Variants in PTPRN2 observed in about 807,000 individuals in gnomAD.
The protein encoded by PTPRN2 is protein tyrosine phosphatase receptor type N2, also known as receptor-type tyrosine-protein phosphatase N2.
A neutral mutation model predicts 118.8 loss-of-function variants in PTPRN2; 74 were observed. That is an observed-to-expected ratio of 0.62 (90% CI 0.52 to 0.76). The LOEUF (loss-of-function observed/expected upper bound fraction) is 0.76, where lower values mean the gene tolerates loss of function less well. Among genes scored for constraint, PTPRN2 ranks in the 30% least tolerant of loss-of-function variants. The pLI, the probability that PTPRN2 is intolerant of heterozygous loss-of-function variation, is 0.00. For missense variants in PTPRN2, 1,481 were observed against 1,394.4 expected (o/e 1.06, Z -0.99); for synonymous variants, 641 against 608.0 (o/e 1.05, Z -0.80).
chr7:158,264,284 G>C (rs1797732936), intron 3 of PTPRN2, among the ~76,000 whole-genome samples: 1 of 152,162 alleles, frequency 6.6e-6, no homozygotes, highest in African/African-American at 2.4e-5. Context: ...TATCCAGATG[G>C]AACTGCACTG....
chr7:157,815,223 G>A (rs1806320136), intron 12 of PTPRN2, among the ~76,000 whole-genome samples: 1 of 152,250 alleles, frequency 6.6e-6, no homozygotes. Context: ...ACGCTGGGAA[G>A]AGCAGGGCCA....
intron 2 of PTPRN2, among the ~76,000 whole-genome samples, chr7:158,387,544 G>A (rs1811543301): frequency 6.6e-6 from 1 of 152,304 alleles, no homozygotes; most frequent in Non-Finnish European, 1.5e-5. Flanking sequence ...GGGGGGACTG[G>A]ACTCCAGGGG....
At chr7:157,678,014 C>T (rs1467961950) in intron 13 of PTPRN2, among the ~76,000 whole-genome samples, 1 of 152,184 alleles carries the variant, frequency 6.6e-6, no homozygotes, top group African/African-American at 2.4e-5. Context: ...CTATCAGCTA[C>T]ATTTGGAAAG....
chr7:158,155,700 TCA>T (rs1821732796), intron 6 of PTPRN2, among the ~76,000 whole-genome samples: 2 of 148,754 alleles, frequency 1.3e-5, no homozygotes, highest in South Asian at 2.2e-4. Flanking sequence ...ATCAGCACTA[TCA>T]TCACCGTCAA....
intron 2 of PTPRN2, among the ~76,000 whole-genome samples, chr7:158,336,631 G>A (rs1805597518): frequency 7.2e-6 from 1 of 138,994 alleles, no homozygotes; most frequent in Admixed American, 7.3e-5. Context: ...GACACATGCA[G>A]ACGTCACTCA....
chr7:158,469,907 C>T (rs568722780), intron 2 of PTPRN2, among the ~76,000 whole-genome samples: 1 of 152,058 alleles, frequency 6.6e-6, no homozygotes, highest in Non-Finnish European at 1.5e-5. Flanking sequence ...TGGGATTTGT[C>T]CTATTGCATC....
intron 11 of PTPRN2, among the ~76,000 whole-genome samples, chr7:157,996,908 C>T (rs1228951063): frequency 6.6e-6 from 1 of 152,212 alleles, no homozygotes; most frequent in Non-Finnish European, 1.5e-5. Flanking sequence ...CCTGACACAT[C>T]CTAGGCCCGG....
rs376435843 is a variant in PTPRN2 at position 157,643,808 on chromosome 7, C to T, written c.2196+12549G>A. ...GGTGGTGTCTAAAGTGGCTCACCAG[C>T]CTCTCCGTCAGGCCTCGAAGGTTCG... On this transcript the variant is annotated intron_variant, in intron 14 of 22. Coordinates refer to ENST00000389418, the MANE Select transcript of PTPRN2 (RefSeq NM_002847.5). 5.3e-5 allele frequency among the ~76,000 whole-genome samples: 8 copies of T among 152,356 alleles called. No individual in the cohort carries two copies. The East Asian group carries it at 1.5e-3, about 29-fold the overall frequency.
At chr7:158,239,124 C>T (rs1028408162) in intron 3 of PTPRN2, among the ~76,000 whole-genome samples, 6 of 152,178 alleles carry the variant, frequency 3.9e-5, no homozygotes, top group African/African-American at 1.4e-4. Flanking sequence ...CACCACCATG[C>T]CCTGAGGACC....
chr7:158,443,191 G>C (rs1053443713), intron 2 of PTPRN2, among the ~76,000 whole-genome samples: 1 of 152,198 alleles, frequency 6.6e-6, no homozygotes, highest in African/African-American at 2.4e-5. Context: ...TGTGGGCAGA[G>C]GCAGGAGCGG....
At chr7:158,250,173 A>T (rs1408373774) in intron 3 of PTPRN2, among the ~76,000 whole-genome samples, 1 of 152,192 alleles carries the variant, frequency 6.6e-6, no homozygotes, top group Non-Finnish European at 1.5e-5. Context: ...TTATACTATC[A>T]AGGAAAGCCG....
intron 2 of PTPRN2, among the ~76,000 whole-genome samples, chr7:158,412,843 G>A (rs1352099078): frequency 7.6e-6 from 1 of 131,714 alleles, no homozygotes; most frequent in East Asian, 2.3e-4. Context: ...GGCCCATCCA[G>A]TGCCCTCCTC....
intron 2 of PTPRN2, among the ~76,000 whole-genome samples, chr7:158,333,333 C>A (rs1257003760): frequency 7.0e-6 from 1 of 143,042 alleles, no homozygotes; most frequent in Admixed American, 6.8e-5. Context: ...CACACTGTCA[C>A]CATAAGAGGT....
intron 10 of PTPRN2, among the ~76,000 whole-genome samples, chr7:158,099,891 C>T (rs1364603387): frequency 4.4e-5 from 6 of 137,194 alleles, no homozygotes; most frequent in Non-Finnish European, 6.2e-5. Flanking sequence ...CCACTCCTCC[C>T]TCATAAGGAT....
intron 13 of PTPRN2, among the ~76,000 whole-genome samples, chr7:157,680,931 C>G (rs1244431315): frequency 6.6e-6 from 1 of 152,170 alleles, no homozygotes; most frequent in Non-Finnish European, 1.5e-5. Context: ...AACCACCATG[C>G]CCTCAGGAGG....
intron 3 of PTPRN2, among the ~76,000 whole-genome samples, chr7:158,266,472 G>A (rs1238117458): frequency 2.0e-5 from 3 of 151,408 alleles, no homozygotes; most frequent in Non-Finnish European, 4.4e-5. Flanking sequence ...TGGCAGTGAA[G>A]CTGGGGACGG....
chr7:158,332,126 C>A, intron 2 of PTPRN2, among the ~76,000 whole-genome samples: 1 of 150,276 alleles, frequency 6.7e-6, no homozygotes, highest in African/African-American at 2.5e-5. Context: ...CACTCACACC[C>A]ATACTCCCAC....
rs930857539 is a variant in PTPRN2 at position 157,671,760 on chromosome 7, T to C, written c.2001+10965A>G. Among the ~76,000 whole-genome samples the C allele has an allele frequency of 6.6e-6, 1 of 152,038 alleles. No homozygotes were observed. Among genetic ancestry groups the C allele is most frequent in the Non-Finnish European group, 1.5e-5 (1 of 67,998 alleles). Reference sequence around the variant, plus strand: ...CCAATTATTCTACCTAAAACTGATCTGAGTGACACCTGAACTGCACAAGGC... The same window carrying C: ...CCAATTATTCTACCTAAAACTGATCCGAGTGACACCTGAACTGCACAAGGC... On this transcript the variant is annotated intron_variant, in intron 13 of 22. Transcript: ENST00000389418. This position sits in a 1 kb window ranked among gnomAD's most constrained non-coding sequence, Gnocchi z 4.1.
intron 18 of PTPRN2, among the ~76,000 whole-genome samples, chr7:157,577,169 T>A (rs1277215993): frequency 6.6e-6 from 1 of 152,230 alleles, no homozygotes; most frequent in Non-Finnish European, 1.5e-5. Flanking sequence ...TTCTGCTCAG[T>A]GGTTCCACTC....
Sources: allele counts gnomAD v4.1 joint callset (sites outside exome capture counted in the v4.1 genomes callset), GRCh38; gene constraint gnomAD v4.1.1; non-coding constraint Gnocchi (gnomAD v3.1); transcripts MANE v1.5; gene names NCBI Gene and HGNC (gene_info 2026-07-23, HGNC 2026-07-21).